Variants in IL33 observed in about 807,000 individuals in gnomAD.
The protein encoded by IL33 is interleukin-33.
A neutral mutation model predicts 27.3 loss-of-function variants in IL33; 37 were observed. The ratio of observed to expected loss-of-function variants is 1.36; its 90% CI spans 1.04 to 1.78. IL33 has a LOEUF of 1.78. Among genes scored for constraint, IL33 ranks in the 40% most tolerant of loss-of-function variants. The pLI is 0.00. For synonymous variants in IL33, 132 were observed against 102.9 expected (o/e 1.28, Z -1.71); for missense variants, 406 against 311.4 (o/e 1.30, Z -2.29).
intron 1 of IL33, among the ~76,000 whole-genome samples, chr9:6,238,629 G>A (rs116947965): frequency 0.018 from 2,775 of 152,290 alleles, 46 homozygotes; most frequent in Non-Finnish European, 0.028. Flanking sequence ...TCTTTTAACT[G>A]CTAGAAGAGA....
chr9:6,231,029 C>T (rs888204578), intron 1 of IL33, among the ~76,000 whole-genome samples: 11 of 152,142 alleles, frequency 7.2e-5, no homozygotes, highest in East Asian at 1.9e-4. Flanking sequence ...TTACAGAAGA[C>T]GCCAAACATT....
Position 6,243,465 on chromosome 9 carries a change from T to C in IL33, c.91+1680T>C, listed in dbSNP as rs559629307. ...TGCCTCCTGGTTCAAGCGATTCTCC[T>C]GTCTCAGCCTCCCAAGTAGCTGGAA... is the stretch of plus-strand genomic sequence containing the variant. On this transcript the variant is annotated intron_variant, in intron 2 of 7. Coordinates refer to ENST00000682010, the MANE Select transcript of IL33 (RefSeq NM_033439.4). Among the ~76,000 whole-genome samples the C allele has an allele frequency of 2.0e-5, 3 of 152,326 alleles. No homozygotes were observed. In the East Asian group the frequency reaches 5.8e-4, roughly 29 times the overall value.
chr9:6,253,574 T>A lies in IL33; in HGVS notation c.492T>A (p.Tyr164Ter). The part of the protein sequence containing the change: ...EKKDKVLLSY[Y>*]ESQHPSNESG... ...CAGATAAGGTGTTACTGAGTTACTATGAGTCTCAACACCCCTCAAATGAAT... is the reference window on the plus strand; with the variant it reads ...CAGATAAGGTGTTACTGAGTTACTAAGAGTCTCAACACCCCTCAAATGAAT... Residue 164 changes from tyrosine (Y) to a stop codon, truncating the protein, a stop_gained, in exon 6 of 8, where the codon TAT becomes TAA. Transcript: ENST00000682010. LOFTEE classifies it high-confidence loss of function. 1 of 1,608,894 alleles carries A rather than the reference T, an allele frequency of 6.2e-7. No individual in the cohort carries two copies. The highest frequency in any genetic ancestry group is 8.5e-7 in the Non-Finnish European group (1 of 1,176,474).
At chr9:6,237,979 G>A (rs916193557) in intron 1 of IL33, among the ~76,000 whole-genome samples, 5 of 152,184 alleles carry the variant, frequency 3.3e-5, no homozygotes, top group African/African-American at 4.8e-5. Flanking sequence ...TTCCAAATGC[G>A]TGATTACAAA....
chr9:6,241,109 G>A (rs1819500271), intron 1 of IL33, among the ~76,000 whole-genome samples: 1 of 152,102 alleles, frequency 6.6e-6, no homozygotes, highest in Non-Finnish European at 1.5e-5. Flanking sequence ...CATGCATGGA[G>A]CTGTCATTTC....
chr9:6,240,457 G>C (rs979946534), intron 1 of IL33, among the ~76,000 whole-genome samples: 1 of 152,198 alleles, frequency 6.6e-6, no homozygotes, highest in African/African-American at 2.4e-5. Flanking sequence ...ATTTGCAGAG[G>C]AAGCCTTCAG....
At chr9:6,225,154 C>T (rs1265710582) in intron 1 of IL33, among the ~76,000 whole-genome samples, 1 of 152,162 alleles carries the variant, frequency 6.6e-6, no homozygotes, top group East Asian at 1.9e-4. Context: ...GGAAACAAAT[C>T]AAGACTGCAT....
At chr9:6,233,389 A>C (rs1819023372) in intron 1 of IL33, among the ~76,000 whole-genome samples, 1 of 152,192 alleles carries the variant, frequency 6.6e-6, no homozygotes. Flanking sequence ...TGCAGGAAGA[A>C]GTGTGCCTCC....
intron 1 of IL33, among the ~76,000 whole-genome samples, chr9:6,216,807 C>G (rs896971168): frequency 6.6e-6 from 1 of 152,142 alleles, no homozygotes; most frequent in South Asian, 2.1e-4. Context: ...ATTAGAGATG[C>G]ACTAAATGAA....
In IL33 at chr9:6,251,245, T is replaced by G; in HGVS notation, c.323T>G (p.Leu108Arg). The change falls in exon 4 of 8, where the codon CTT becomes CGT. Residue 108 changes from leucine (L) to arginine (R), a missense_variant. Leu to Arg is a moderately radical substitution (Grantham distance 102). Transcript: ENST00000682010. ...GGGGTCCAGAAATATACTAGAGCAC[T>G]TCATGATTCAAGTATCACAGGTATG... ...ISGVQKYTRA[L>R]HDSSITGISP... 1 of 1,613,672 alleles carries G rather than the reference T, an allele frequency of 6.2e-7. No individual in the cohort carries two copies. Among genetic ancestry groups the G allele is most frequent in the Non-Finnish European group, 8.5e-7 (1 of 1,179,698 alleles).
intron 6 of IL33, among the ~76,000 whole-genome samples, chr9:6,254,251 T>C (rs866089159): frequency 2.2e-4 from 34 of 152,276 alleles, no homozygotes; most frequent in African/African-American, 7.2e-4. Flanking sequence ...TTAAAAAGCA[T>C]ATAAGAAAAC....
At chr9:6,225,582 G>T (rs1244733506) in intron 1 of IL33, among the ~76,000 whole-genome samples, 5 of 152,142 alleles carry the variant, frequency 3.3e-5, no homozygotes, top group African/African-American at 1.2e-4. Context: ...GAAGCATCTT[G>T]GTTCTGCAAA....
At chr9:6,244,360 A>G (rs1263319911) in intron 2 of IL33, among the ~76,000 whole-genome samples, 1 of 152,170 alleles carries the variant, frequency 6.6e-6, no homozygotes, top group Admixed American at 6.5e-5. Flanking sequence ...TTTGCAGGAA[A>G]TATGTACCAA....
In IL33 at chr9:6,226,493, G is replaced by T. The variant is rs147557994; in HGVS notation, c.-12+10641G>T. ...TAAAACAGTCTCATTTTTCTTCCAA[G>T]TCTTTTACCCTCTTTTCATATTTTC... On this transcript the variant is annotated intron_variant, in intron 1 of 7. Coordinates refer to ENST00000682010, the MANE Select transcript of IL33 (RefSeq NM_033439.4). Among the ~76,000 whole-genome samples, 1,081 of 152,058 alleles carry T rather than the reference G, an allele frequency of 7.1e-3. 10 individuals are homozygous for T. Among genetic ancestry groups the T allele is most frequent in the African/African-American group, 0.025 (1,022 of 41,480 alleles).
At chr9:6,216,854 T>G (rs7021861) in intron 1 of IL33, among the ~76,000 whole-genome samples, 1,604 of 152,320 alleles carry the variant, frequency 0.011, 30 homozygotes, top group African/African-American at 0.036. Flanking sequence ...TTTTTCTTAA[T>G]GGGACCTGAC....
At chr9:6,218,336 T>C (rs1229032271) in intron 1 of IL33, among the ~76,000 whole-genome samples, 1 of 152,102 alleles carries the variant, frequency 6.6e-6, no homozygotes, top group East Asian at 1.9e-4. Context: ...CCCTTTCCCA[T>C]TTATAGAGAG....
At chr9:6,233,840 T>A (rs1819046369) in intron 1 of IL33, among the ~76,000 whole-genome samples, 1 of 152,192 alleles carries the variant, frequency 6.6e-6, no homozygotes, top group Non-Finnish European at 1.5e-5. Flanking sequence ...CTTTCTTTGT[T>A]CCCTTTCATT....
At chr9:6,223,401 A>G (rs1818494319) in intron 1 of IL33, among the ~76,000 whole-genome samples, 1 of 151,944 alleles carries the variant, frequency 6.6e-6, no homozygotes, top group Admixed American at 6.6e-5. Context: ...TACCTCAAAG[A>G]GTTACTTATA....
intron 1 of IL33, among the ~76,000 whole-genome samples, chr9:6,218,647 T>C (rs1187885358): frequency 7.5e-6 from 1 of 132,938 alleles, no homozygotes; most frequent in East Asian, 2.0e-4. Flanking sequence ...TTTTTCTCCC[T>C]ATACATATGT....
Sources: allele counts gnomAD v4.1 joint callset (sites outside exome capture counted in the v4.1 genomes callset), GRCh38; gene constraint gnomAD v4.1.1; transcripts MANE v1.5; gene names NCBI Gene and HGNC (gene_info 2026-07-23, HGNC 2026-07-21).